The following KCNN2 variants were observed in gnomAD, a reference collection of about 807,000 sequenced individuals.
KCNN2 encodes the protein small conductance calcium-activated potassium channel protein 2.
In KCNN2, 24 loss-of-function variants were observed where a neutral mutation model predicts 55.5. That is an observed-to-expected ratio of 0.43 (90% CI 0.31 to 0.61). The LOEUF is 0.61. Ranked by LOEUF, KCNN2 falls within the 20% of genes least tolerant of loss-of-function variation. The pLI, the probability that KCNN2 is intolerant of heterozygous loss-of-function variation, is 0.08. For missense variants in KCNN2, 754 were observed against 853.6 expected (o/e 0.88, Z 1.45); for synonymous variants, 431 against 336.1 (o/e 1.28, Z -3.09).
intron 1 of KCNN2, among the ~76,000 whole-genome samples, chr5:114,207,441 C>G (rs947178785): frequency 6.6e-6 from 1 of 152,178 alleles, no homozygotes; most frequent in African/African-American, 2.4e-5. Flanking sequence ...TTTCTTTGTC[C>G]ATACCTGGTT....
chr5:114,363,354 G>C (rs1475133591), intron 1 of KCNN2, 93 bp downstream of exon 1: 3 of 1,403,982 alleles, frequency 2.1e-6, no homozygotes, highest in East Asian at 5.0e-5. Flanking sequence ...CGGATCCCTA[G>C]CCTCTCCGGG....
At chr5:114,095,848 G>T (rs1340330050) in intron 1 of KCNN2, among the ~76,000 whole-genome samples, 2 of 151,896 alleles carry the variant, frequency 1.3e-5, no homozygotes, top group South Asian at 2.1e-4. Flanking sequence ...ATATGCACCT[G>T]CTGTATCCTT....
At chr5:114,368,637 A>G (rs755122662) in intron 2 of KCNN2, among the ~76,000 whole-genome samples, 8 of 152,224 alleles carry the variant, frequency 5.3e-5, no homozygotes, top group Non-Finnish European at 1.2e-4. Flanking sequence ...ATAGTTTACT[A>G]TTTTTATTAA....
intron 1 of KCNN2, among the ~76,000 whole-genome samples, chr5:114,214,524 G>T (rs1333994795): frequency 2.0e-5 from 3 of 152,028 alleles, no homozygotes; most frequent in African/African-American, 7.2e-5. Flanking sequence ...AAATAGCTAG[G>T]TATCGAAAAT....
intron 2 of KCNN2, among the ~76,000 whole-genome samples, chr5:114,353,219 G>T (rs1757243153): frequency 1.3e-5 from 2 of 151,414 alleles, no homozygotes; most frequent in South Asian, 2.1e-4. Flanking sequence ...TACTTATATG[G>T]TTGTTGTTTG....
intron 1 of KCNN2, among the ~76,000 whole-genome samples, chr5:114,155,605 T>C (rs1455945763): frequency 1.3e-5 from 2 of 152,210 alleles, no homozygotes; most frequent in African/African-American, 2.4e-5. Context: ...CAGTATCTCA[T>C]TGTGGTTTTG....
intron 1 of KCNN2, among the ~76,000 whole-genome samples, chr5:114,182,803 A>G (rs1753264976): frequency 6.6e-6 from 1 of 152,044 alleles, no homozygotes; most frequent in Admixed American, 6.6e-5. Flanking sequence ...CAATTATATC[A>G]TTTGCATATA....
intron 1 of KCNN2, among the ~76,000 whole-genome samples, chr5:114,056,896 G>A (rs1387056839): frequency 6.6e-6 from 1 of 152,182 alleles, no homozygotes; most frequent in Non-Finnish European, 1.5e-5. Context: ...TGAAGGGAGA[G>A]AGGGCAGAAG....
chr5:114,227,460 C>G (rs893641870), intron 2 of KCNN2, among the ~76,000 whole-genome samples: 4 of 152,166 alleles, frequency 2.6e-5, no homozygotes, highest in South Asian at 4.1e-4. Context: ...ACTCTTACCC[C>G]CTTCTGGCTT....
intron 1 of KCNN2, among the ~76,000 whole-genome samples, chr5:114,182,221 G>C (rs1266487741): frequency 6.6e-6 from 1 of 151,796 alleles, no homozygotes; most frequent in East Asian, 1.9e-4. Context: ...AGAAACTTCT[G>C]AGTTTCTCTA....
intron 1 of KCNN2, among the ~76,000 whole-genome samples, chr5:114,125,618 T>C (rs1184813964): frequency 3.3e-5 from 5 of 152,142 alleles, no homozygotes; most frequent in Non-Finnish European, 1.5e-5. Context: ...TTGAGACTTG[T>C]AGGGTGCATT....
At chr5:114,219,882 A>G (rs1754096380) in intron 1 of KCNN2, among the ~76,000 whole-genome samples, 1 of 152,228 alleles carries the variant, frequency 6.6e-6, no homozygotes, top group African/African-American at 2.4e-5. Context: ...TAGCATCTAT[A>G]GATAAACTGT....
upstream of KCNN2, among the ~76,000 whole-genome samples, chr5:114,360,311 C>A (rs1275718262): frequency 6.6e-6 from 1 of 152,116 alleles, no homozygotes; most frequent in Non-Finnish European, 1.5e-5. Flanking sequence ...CACGCACACT[C>A]TGAAAAGCAG....
At chr5:114,181,261 G>A (rs925736939) in intron 1 of KCNN2, among the ~76,000 whole-genome samples, 24 of 152,182 alleles carry the variant, frequency 1.6e-4, no homozygotes, top group African/African-American at 4.8e-4. Context: ...TTTCTTGCCA[G>A]TGTTTGTTCT....
chr5:114,352,952 G>A (rs1238139878), intron 2 of KCNN2, among the ~76,000 whole-genome samples: 1 of 151,852 alleles, frequency 6.6e-6, no homozygotes, highest in African/African-American at 2.4e-5. Context: ...TTAATCCTCT[G>A]CATAGCTGTT....
intron 2 of KCNN2, among the ~76,000 whole-genome samples, chr5:114,267,999 G>A (rs887114936): frequency 2.6e-5 from 4 of 152,172 alleles, no homozygotes; most frequent in African/African-American, 7.2e-5. Context: ...CTCCCTGGCC[G>A]TGCCAAAACA....
In KCNN2 at chr5:114,156,544, A is replaced by T. The variant is rs937282561; in HGVS notation, c.-270-64936A>T. Among the ~76,000 whole-genome samples the T allele has an allele frequency of 1.5e-4, 23 of 152,090 alleles. 1 individual carries two copies. Among genetic ancestry groups the T allele is most frequent in the Admixed American group, 1.4e-3 (21 of 15,266 alleles). ...GAAGGTTTTTCCATTTGTTGGTGTCATTCCTGATTTCTTGGAGCAGTGGTT... is the reference window on the plus strand; with the variant it reads ...GAAGGTTTTTCCATTTGTTGGTGTCTTTCCTGATTTCTTGGAGCAGTGGTT... On this transcript the variant is annotated intron_variant, in intron 1 of 10. Coordinates refer to the KCNN2 transcript ENST00000512097.
At chr5:114,123,702 C>G (rs932971215) in intron 1 of KCNN2, among the ~76,000 whole-genome samples, 2 of 152,112 alleles carry the variant, frequency 1.3e-5, no homozygotes, top group Non-Finnish European at 2.9e-5. Context: ...ATAAAAAGGT[C>G]CCTCTTGTCT....
intron 5 of KCNN2, among the ~76,000 whole-genome samples, chr5:114,478,223 AAGC>A (rs774104212): frequency 4.7e-4 from 71 of 152,296 alleles, no homozygotes; most frequent in Non-Finnish European, 8.7e-4. Context: ...GCCTCTGAGA[AAGC>A]AGCAGGAGAA....
Sources: allele counts gnomAD v4.1 joint callset (sites outside exome capture counted in the v4.1 genomes callset), GRCh38; gene constraint gnomAD v4.1.1; transcripts MANE v1.5; gene names NCBI Gene and HGNC (gene_info 2026-07-23, HGNC 2026-07-21).